Variants in ABCC6 observed in about 807,000 individuals in gnomAD.
ABCC6 encodes the protein ATP binding cassette subfamily C member 6.
A neutral mutation model predicts 169.5 loss-of-function variants in ABCC6; 126 were observed. The ratio of observed to expected loss-of-function variants is 0.74; its 90% CI spans 0.64 to 0.86. The LOEUF (loss-of-function observed/expected upper bound fraction) is 0.86, where lower values mean the gene tolerates loss of function less well. Ranked by LOEUF, ABCC6 falls within the 40% of genes least tolerant of loss-of-function variation. The pLI, the probability that ABCC6 is intolerant of heterozygous loss-of-function variation, is 0.00. For synonymous variants in ABCC6, 752 were observed against 814.7 expected, an observed-to-expected ratio of 0.92 and a Z score of 1.31; for missense variants, 1,733 against 1,927.2, an observed-to-expected ratio of 0.90 and a Z score of 1.89.
At chr16:16,184,424 C>T (rs114734073) in intron 15 of ABCC6, among the ~76,000 whole-genome samples, 1,656 of 152,132 alleles carry the variant, frequency 0.011, 18 homozygotes, top group African/African-American at 0.027. Flanking sequence ...TAGAACAGAG[C>T]GTGGCCCATA....
chr16:16,176,021 G>A, intron 19 of ABCC6, 35 bp from the exon 20 acceptor site: 2 of 1,601,126 alleles, frequency 1.2e-6, no homozygotes, highest in Non-Finnish European at 1.7e-6. Flanking sequence ...ACGCAACACG[G>A]CCCAGATACC....
chr16:16,151,213 G>A (rs1284501920), intron 29 of ABCC6, among the ~76,000 whole-genome samples: 4 of 152,040 alleles, frequency 2.6e-5, no homozygotes, highest in Admixed American at 6.6e-5. Context: ...ACAGTCATGC[G>A]CCACCATGCC....
chr16:16,183,535 G>C (rs79731312), intron 15 of ABCC6, among the ~76,000 whole-genome samples: 2,540 of 152,282 alleles, frequency 0.017, 26 homozygotes, highest in South Asian at 0.036. Flanking sequence ...CAAAGCTAAA[G>C]TCCTGACGAT....
At chr16:16,214,541 C>G in intron 4 of ABCC6, 92 bp from the exon 5 acceptor site, 1 of 1,547,036 alleles carries the variant, frequency 6.5e-7, no homozygotes, top group Non-Finnish European at 8.7e-7. Flanking sequence ...AGTGCCCACT[C>G]TGGGGACCAG....
rs1320867818 is a variant in ABCC6, at chr16:16,222,652, T to C, written c.36+747A>G. Among the ~76,000 whole-genome samples the C allele has an allele frequency of 3.3e-5, 5 of 152,124 alleles. No homozygotes were observed. The South Asian group carries it at 6.2e-4, about 19-fold the overall frequency. ...GCCTCAGCCTCCTAGGTACTGGGAT[T>C]ACAGGCAAGAGCCACCGGCCCAGCT... is the stretch of plus-strand genomic sequence containing the variant. On this transcript the variant is annotated intron_variant, in intron 1 of 30. Transcript: ENST00000205557.
rs768708445 is a variant in ABCC6, at chr16:16,208,774, A to T, written c.748T>A (p.Ser250Thr). 1 of 1,613,400 alleles carries T rather than the reference A, an allele frequency of 6.2e-7. No individual in the cohort carries two copies. Among genetic ancestry groups the T allele is most frequent in the South Asian group, 1.1e-5 (1 of 91,008 alleles). Residue 250 changes from serine (S) to threonine (T), a missense_variant, in exon 7 of 31, where the codon TCC becomes ACC. By Grantham distance (58) the Ser-to-Thr change is moderately conservative. Transcript: ENST00000205557. The part of the protein sequence containing the change: ...GRENSSEELV[S>T]RLEKEWMRNR... The stretch of plus-strand genomic sequence containing the variant: ...CTCATCCACTCCTTTTCAAGCCGGG[A>T]AACAAGTTCTTCTGAGGAGTTTTCT...
At chr16:16,183,277 T>TGCACACCACGCACACACACAC (rs1491071879) in intron 15 of ABCC6, among the ~76,000 whole-genome samples, 2 of 152,116 alleles carry the variant, frequency 1.3e-5, no homozygotes, top group African/African-American at 4.8e-5. Flanking sequence ...TGTGCACACA[T>TGCACACCACGCACACACACAC]GCACACCACG....
At chr16:16,193,777 G>A (rs941493333) in intron 10 of ABCC6, among the ~76,000 whole-genome samples, 1 of 152,122 alleles carries the variant, frequency 6.6e-6, no homozygotes, top group Non-Finnish European at 1.5e-5. Context: ...TTTCTTGCAC[G>A]AGATCCAAGA....
At chr16:16,172,076 G>A (rs1185893996) in intron 21 of ABCC6, among the ~76,000 whole-genome samples, 3 of 146,478 alleles carry the variant, frequency 2.0e-5, no homozygotes, top group South Asian at 2.3e-4. Flanking sequence ...TGGGTGGGAT[G>A]GATAAATGAG....
chr16:16,161,040 G>T (rs1424244901), intron 25 of ABCC6, among the ~76,000 whole-genome samples: 1 of 152,196 alleles, frequency 6.6e-6, no homozygotes, highest in East Asian at 1.9e-4. Context: ...AGGAGGCAGA[G>T]TTCTCAGTGA....
intron 21 of ABCC6, among the ~76,000 whole-genome samples, chr16:16,172,066 T>G (rs2047107376): frequency 5.5e-5 from 1 of 18,154 alleles, no homozygotes; most frequent in African/African-American, 2.1e-4. Flanking sequence ...GATAAATGAG[T>G]GGGTGGGATG....
rs758486813 is a variant in ABCC6 at position 16,154,780 on chromosome 16, G to A, written c.4056C>T (p.Phe1352=). The A allele has an allele frequency of 7.4e-6, 12 of 1,612,232 alleles. No homozygotes were observed. The highest frequency in any genetic ancestry group is 9.3e-6 in the Non-Finnish European group (11 of 1,179,406). ...ISIIPQDPIL[F]PGSLRMNLDL... is the part of the protein sequence containing the mutation. ...CGAGGTTCATCCGCAGAGAGCCAGG[G>A]AACAGGATGGGGTCCTGGCGGGGAG... Residue 1352 remains phenylalanine, a synonymous_variant, in exon 29 of 31, where the codon TTC becomes TTT. Coordinates refer to ENST00000205557, the MANE Select transcript of ABCC6 (RefSeq NM_001171.6).
At chr16:16,183,686 G>T (rs1164295054) in intron 15 of ABCC6, among the ~76,000 whole-genome samples, 1 of 152,140 alleles carries the variant, frequency 6.6e-6, no homozygotes. Flanking sequence ...GAGTCATTTG[G>T]CAAGATCTAG....
intron 5 of ABCC6, 117 bp downstream of exon 5, chr16:16,214,207 G>A: frequency 6.5e-7 from 1 of 1,544,270 alleles, no homozygotes; most frequent in South Asian, 1.2e-5. Context: ...GAGTAGAAAT[G>A]TGGTACACTT....
In ABCC6 at chr16:16,192,857, G is replaced by C; in HGVS notation, c.1404C>G (p.Phe468Leu). The C allele has an allele frequency of 6.2e-7, 1 of 1,614,112 alleles. No homozygotes were observed. The highest frequency in any genetic ancestry group is 1.1e-5 in the South Asian group (1 of 91,070). ...GATGGTGGTTCCTTTTCTTGGAGAT[G>C]AAGAAATTCAGAGGGAGGAGGCTCA... ...VFLSLLPLNFFISKKRNHHQE... is the reference protein window; with the variant it reads ...VFLSLLPLNFLISKKRNHHQE... The change falls in exon 11 of 31, where the codon TTC (phenylalanine) becomes TTG (leucine). Residue 468 changes from phenylalanine to leucine, a missense_variant. By Grantham distance (22) the Phe-to-Leu change is conservative (BLOSUM62 0). Around this residue, in one of 5 missense-constraint regions of ABCC6, gnomAD observed 1,601 missense variants for 1,635.5 expected, o/e 0.98. Coordinates refer to ENST00000205557, the MANE Select transcript of ABCC6 (RefSeq NM_001171.6).
rs913530470 is a variant in ABCC6 at position 16,169,733 on chromosome 16, G to A, written c.2908C>T (p.Leu970=). ...ASFCRGYWLS[L]WADDPAVGGQ... The stretch of plus-strand genomic sequence containing the variant: ...CCTACTGCAGGGTCGTCCGCCCACA[G>A]GCTCAGCCAGTAGCCCCGGCAGAAG... The change falls in exon 22 of 31, where the codon CTG becomes TTG. Residue 970 remains leucine, a synonymous_variant. Coordinates refer to ENST00000205557, the MANE Select transcript of ABCC6 (RefSeq NM_001171.6). 10 of 1,609,178 alleles carry A rather than the reference G, an allele frequency of 6.2e-6. No individual in the cohort carries two copies. The highest frequency in any genetic ancestry group is 5.3e-5 in the African/African-American group (4 of 74,836).
chr16:16,184,831 C>T (rs1038348261), intron 15 of ABCC6, 128 bp downstream of exon 15: 8 of 1,028,060 alleles, frequency 7.8e-6, no homozygotes, highest in Non-Finnish European at 1.2e-5. Flanking sequence ...AGAGCCCCAG[C>T]CCAGCCAAAC....
chr16:16,173,036 T>C (rs1315879950), intron 21 of ABCC6: 4 of 571,392 alleles, frequency 7.0e-6, no homozygotes, highest in African/African-American at 5.6e-5. Flanking sequence ...AGCGAGCCAC[T>C]TTCTCAAAAT....
intron 23 of ABCC6, 114 bp downstream of exon 23, chr16:16,165,509 C>T (rs1027940821): frequency 1.1e-5 from 12 of 1,118,096 alleles, no homozygotes; most frequent in Non-Finnish European, 1.6e-5. Flanking sequence ...ATTCTAGGAA[C>T]AGCCCCTAGA....
Sources: allele counts gnomAD v4.1 joint callset (sites outside exome capture counted in the v4.1 genomes callset), GRCh38; gene constraint gnomAD v4.1.1; regional missense constraint gnomAD v4.1.1; transcripts MANE v1.5; gene names NCBI Gene and HGNC (gene_info 2026-07-23, HGNC 2026-07-21).